HMHB1: variants seen among roughly 807,000 people sequenced by gnomAD.
The protein encoded by HMHB1 is minor histocompatibility protein HB-1.
Under a neutral mutation model 2.4 loss-of-function variants are expected in HMHB1, and 4 were observed. That is an observed-to-expected ratio of 1.65 (90% confidence interval 0.81 to 3.77). The LOEUF is 3.77. HMHB1 is among the 30% of genes most tolerant of loss of function. The pLI, the probability that HMHB1 is intolerant of heterozygous loss-of-function variation, is 0.01. For synonymous variants in HMHB1, 22 were observed against 17.6 expected, an observed-to-expected ratio of 1.25 and a Z score of -0.63; for missense variants, 57 against 44.2, an observed-to-expected ratio of 1.29 and a Z score of -0.82.
chr5:143,819,892 T>C (rs559235897), intron 1 of HMHB1, among the ~76,000 whole-genome samples: 1 of 152,244 alleles, frequency 6.6e-6, no homozygotes, highest in Admixed American at 6.5e-5. Context: ...AATAATCTCA[T>C]TTCACATAGG....
chr5:143,817,596 T>TG (rs1283357411), intron 1 of HMHB1, among the ~76,000 whole-genome samples: 1 of 152,246 alleles, frequency 6.6e-6, no homozygotes, highest in Non-Finnish European at 1.5e-5. Flanking sequence ...CATGCTGTTT[T>TG]GGTGACTATG....
rs547847744 is a variant in HMHB1, at chr5:143,812,193, G to A, written c.-75G>A. ...CCAGGAGGCCGAGGCGGCTTGCCCC[G>A]CATCTCAGAAGCCGGGCAGGCCCTG... On this transcript the variant is annotated 5_prime_UTR_variant, in exon 1 of 2. Transcript: ENST00000289448. 4.5e-5 allele frequency: 64 copies of A among 1,423,176 alleles called. No individual in the cohort carries two copies. In the South Asian group the frequency reaches 6.7e-4, roughly 15 times the overall value. 88.2% of individuals were successfully genotyped at this position (1,423,176 alleles called of 1,614,324 possible).
chr5:143,815,800 G>A (rs997840176), intron 1 of HMHB1, among the ~76,000 whole-genome samples: 1 of 150,062 alleles, frequency 6.7e-6, no homozygotes, highest in South Asian at 2.1e-4. Flanking sequence ...TCCGCTTCCC[G>A]GGTTCACGCC....
At chr5:143,813,087 A>T (rs1759711144) in intron 1 of HMHB1, among the ~76,000 whole-genome samples, 1 of 152,072 alleles carries the variant, frequency 6.6e-6, no homozygotes, top group African/African-American at 2.4e-5. Flanking sequence ...CTGCAACTGG[A>T]GGTCACTCAG....
chr5:143,816,230 G>A (rs1759748184), intron 1 of HMHB1, among the ~76,000 whole-genome samples: 1 of 152,148 alleles, frequency 6.6e-6, no homozygotes, highest in African/African-American at 2.4e-5. Context: ...ATAGGTTATT[G>A]TGGAGTAGGT....
chr5:143,816,542 T>C (rs533649465), intron 1 of HMHB1, among the ~76,000 whole-genome samples: 2 of 152,332 alleles, frequency 1.3e-5, no homozygotes, highest in South Asian at 4.1e-4. Flanking sequence ...ATTAATTCCT[T>C]TTTATGGCTG....
intron 1 of HMHB1, among the ~76,000 whole-genome samples, chr5:143,814,278 T>C (rs1356867536): frequency 6.6e-6 from 1 of 152,216 alleles, no homozygotes; most frequent in Non-Finnish European, 1.5e-5. Context: ...CCTTGCAAAA[T>C]AACAATTTGG....
At chr5:143,814,531 CAG>C (rs1274540691) in intron 1 of HMHB1, among the ~76,000 whole-genome samples, 8 of 152,192 alleles carry the variant, frequency 5.3e-5, no homozygotes, top group African/African-American at 1.9e-4. Context: ...ACTTAGCTGT[CAG>C]AGAGAGGACA....
intron 1 of HMHB1, among the ~76,000 whole-genome samples, chr5:143,819,414 T>G (rs919783572): frequency 2.6e-5 from 4 of 152,200 alleles, no homozygotes; most frequent in Non-Finnish European, 5.9e-5. Flanking sequence ...TGTGAAAGGC[T>G]TTCAGCCTAA....
chr5:143,814,904 G>A (rs976591264), intron 1 of HMHB1, among the ~76,000 whole-genome samples: 4 of 152,172 alleles, frequency 2.6e-5, no homozygotes, highest in African/African-American at 9.7e-5. Context: ...ATATTGTGTG[G>A]CTTCTACCAG....
At position 143,812,170 on chromosome 5, in the gene HMHB1, A is replaced by T. The variant is rs768727848; in HGVS notation, c.-98A>T. The T allele has an allele frequency of 1.1e-4, 124 of 1,078,554 alleles. No homozygotes were observed. The highest frequency in any genetic ancestry group is 1.6e-4 in the Non-Finnish European group (115 of 728,014). 66.8% of individuals were successfully genotyped at this position (1,078,554 alleles called of 1,614,324 possible). On this transcript the variant is annotated 5_prime_UTR_variant, in exon 1 of 2. Transcript: ENST00000289448. ...TCTGCAGATGAGGAAACCACATCCC[A>T]GGAGGCCGAGGCGGCTTGCCCCGCA...
intron 1 of HMHB1, 58 bp downstream of exon 1, chr5:143,812,362 A>G (rs1220262948): frequency 1.4e-6 from 2 of 1,477,932 alleles, no homozygotes; most frequent in African/African-American, 2.8e-5. Context: ...GCGAAGGGGC[A>G]GAGAAAATGA....
intron 1 of HMHB1, among the ~76,000 whole-genome samples, chr5:143,816,079 A>T (rs1759746933): frequency 6.6e-6 from 1 of 152,192 alleles, no homozygotes; most frequent in African/African-American, 2.4e-5. Context: ...TCCCTATTTT[A>T]AGGTCACCTG....
intron 1 of HMHB1, among the ~76,000 whole-genome samples, chr5:143,813,511 G>A (rs1759715099): frequency 6.6e-6 from 1 of 152,288 alleles, no homozygotes; most frequent in East Asian, 1.9e-4. Flanking sequence ...GTCAATAAAT[G>A]TTAGCTGAAC....
chr5:143,815,734 C>G (rs1170293485), intron 1 of HMHB1, among the ~76,000 whole-genome samples: 1 of 143,426 alleles, frequency 7.0e-6, no homozygotes, highest in Non-Finnish European at 1.5e-5. Context: ...GAGTCTCGCT[C>G]TGTCGCCCAG....
intron 1 of HMHB1, among the ~76,000 whole-genome samples, chr5:143,816,373 A>C (rs893802634): frequency 6.6e-6 from 1 of 151,998 alleles, no homozygotes; most frequent in African/African-American, 2.4e-5. Flanking sequence ...TTTCCCCCTG[A>C]GTCCCCAAAG....
At chr5:143,815,838 C>T (rs958213940) in intron 1 of HMHB1, among the ~76,000 whole-genome samples, 1 of 150,658 alleles carries the variant, frequency 6.6e-6, no homozygotes, top group Non-Finnish European at 1.5e-5. Flanking sequence ...TCCCGAGTAG[C>T]TGGGACTACA....
chr5:143,817,794 C>T (rs1323158134), intron 1 of HMHB1, among the ~76,000 whole-genome samples: 1 of 152,034 alleles, frequency 6.6e-6, no homozygotes, highest in African/African-American at 2.4e-5. Flanking sequence ...TTGCTTTTGG[C>T]AGTATGGTCA....
intron 1 of HMHB1, 99 bp from the exon 2 acceptor site, chr5:143,820,381 A>G (rs1414362653): frequency 3.9e-6 from 2 of 517,938 alleles, no homozygotes; most frequent in Non-Finnish European, 7.1e-6. Flanking sequence ...AAGCTAACAC[A>G]AGTCCTCTTT....
Sources: gnomAD v4.1 joint callset for allele counts (sites outside exome capture counted in the v4.1 genomes callset) on GRCh38, gnomAD v4.1.1 for gene constraint, MANE v1.5 for transcripts, NCBI Gene and HGNC (gene_info 2026-07-23, HGNC 2026-07-21) for gene names.